UTY: variants seen among roughly 807,000 people sequenced by gnomAD.
The protein encoded by UTY is histone demethylase UTY.
UTY carries 12 observed loss-of-function variants against 32.5 expected under a neutral mutation model. That is an observed-to-expected ratio of 0.37 (90% CI 0.24 to 0.60). The LOEUF (loss-of-function observed/expected upper bound fraction) is 0.60, where lower values mean the gene tolerates loss of function less well. UTY is among the 20% of genes least tolerant of loss of function. UTY has a pLI of 0.69. For synonymous variants in UTY, 131 were observed against 103.4 expected, an observed-to-expected ratio of 1.27 and a Z score of -1.62; for missense variants, 303 against 299.2, an observed-to-expected ratio of 1.01 and a Z score of -0.09.
chrY:13,357,882 A>G lies in UTY; in HGVS notation c.1564T>C (p.Leu522=), dbSNP rs2063124300. The G allele has an allele frequency of 2.5e-6, 1 of 393,596 alleles. No individual in the cohort carries two copies. Among genetic ancestry groups the G allele is most frequent in the African/African-American group, 6.4e-5 (1 of 15,686 alleles). ...VYSLCLTPQK[L]QHLEQLRANR... ...GATCGTCAAAGAATTCATACCTGTA[A>G]TTTCTGTGGTGTCAAACACAACGAA... is the stretch of plus-strand genomic sequence containing the variant. The change falls in exon 15 of 30, where the codon TTA becomes CTA. Residue 522 remains leucine, a synonymous_variant. Transcript: ENST00000545955.
chrY:13,417,946 G>C, intron 4 of UTY, among the ~76,000 whole-genome samples: 1 of 32,333 alleles, frequency 3.1e-5, no homozygotes, highest in African/African-American at 1.2e-4. Flanking sequence ...TTGAGTTCTA[G>C]GGTACATGCG....
intron 5 of UTY, 87 bp from the exon 6 acceptor site, chrY:13,411,200 A>G: frequency 4.0e-6 from 1 of 247,386 alleles, no homozygotes; most frequent in Admixed American, 1.4e-4. Context: ...CTGGTTATTT[A>G]ATTTTATTGA....
At chrY:13,328,043 G>A in intron 18 of UTY, among the ~76,000 whole-genome samples, 1 of 32,967 alleles carries the variant, frequency 3.0e-5, no homozygotes, top group Non-Finnish European at 7.5e-5. Flanking sequence ...GCCTGACCAC[G>A]ATGTAGAAAC....
chrY:13,249,965 G>A, intron 29 of UTY, 83 bp from the exon 30 acceptor site: 2 of 113,666 alleles, frequency 1.8e-5, no homozygotes, highest in African/African-American at 9.1e-5. Context: ...GCCTTTTTAT[G>A]AAGTGAGTTT....
At chrY:13,318,006 A>G (rs2059588833) in intron 21 of UTY, among the ~76,000 whole-genome samples, 1 of 31,131 alleles carries the variant, frequency 3.2e-5, no homozygotes, top group Non-Finnish European at 7.7e-5. Flanking sequence ...CTAAAAATAT[A>G]AAAATTATCA....
intron 27 of UTY, among the ~76,000 whole-genome samples, chrY:13,293,072 G>A (rs1603324923): frequency 5.9e-5 from 2 of 33,677 alleles, no homozygotes; most frequent in East Asian, 7.8e-4. Context: ...TCTAGAAAAC[G>A]CATTTGACAA....
intron 8 of UTY, among the ~76,000 whole-genome samples, chrY:13,377,740 C>G: frequency 3.0e-5 from 1 of 33,219 alleles, no homozygotes. Context: ...AAAGGCTGAA[C>G]AAAGCTCCAT....
intron 27 of UTY, among the ~76,000 whole-genome samples, chrY:13,290,800 G>C: frequency 3.0e-5 from 1 of 33,209 alleles, no homozygotes; most frequent in South Asian, 6.9e-4. Flanking sequence ...CCTGACCTCA[G>C]GCGATACACC....
intron 4 of UTY, among the ~76,000 whole-genome samples, chrY:13,428,854 T>C (rs2073665641): frequency 3.0e-5 from 1 of 33,800 alleles, no homozygotes. Context: ...GTCATCTTCT[T>C]TCACCAGCAT....
chrY:13,312,796 T>C, intron 21 of UTY, among the ~76,000 whole-genome samples: 1 of 32,624 alleles, frequency 3.1e-5, no homozygotes, highest in Non-Finnish European at 7.5e-5. Context: ...TCACTAATTA[T>C]CAAAGAATTG....
chrY:13,361,208 C>G (rs909878839), intron 10 of UTY, among the ~76,000 whole-genome samples: 19 of 33,204 alleles, frequency 5.7e-4, no homozygotes, highest in Admixed American at 1.4e-3. Flanking sequence ...ATCACTCAAT[C>G]TCTTCTAACT....
At chrY:13,452,987 G>A (rs1006204230) in intron 3 of UTY, among the ~76,000 whole-genome samples, 2 of 33,460 alleles carry the variant, frequency 6.0e-5, no homozygotes, top group African/African-American at 1.2e-4. Flanking sequence ...GGTCACTTTC[G>A]GACCAGTGCA....
At chrY:13,367,238 CA>C (rs2064289820) in intron 9 of UTY, among the ~76,000 whole-genome samples, 1 of 33,360 alleles carries the variant, frequency 3.0e-5, no homozygotes, top group African/African-American at 1.2e-4. Flanking sequence ...AAACAACTTA[CA>C]AAAGGCCTCA....
intron 21 of UTY, among the ~76,000 whole-genome samples, chrY:13,307,955 A>G (rs753541995): frequency 3.0e-5 from 1 of 32,949 alleles, no homozygotes; most frequent in Non-Finnish European, 7.5e-5. Context: ...CTTATAAATT[A>G]AGAATAAAAA....
chrY:13,436,847 A>C (rs937247408), intron 4 of UTY, among the ~76,000 whole-genome samples: 4 of 32,194 alleles, frequency 1.2e-4, no homozygotes, highest in Admixed American at 8.5e-4. Flanking sequence ...AATTGCCCTA[A>C]ATGGCTAGGA....
intron 23 of UTY, 130 bp from the exon 24 acceptor site, chrY:13,305,677 G>A (rs2058637626): frequency 6.7e-6 from 2 of 298,545 alleles, no homozygotes; most frequent in Middle Eastern, 1.0e-3. Flanking sequence ...GAACTAAAGC[G>A]TTTAACTTAT....
chrY:13,449,165 C>T, intron 3 of UTY, 99 bp from the exon 4 acceptor site: 2 of 163,896 alleles, frequency 1.2e-5, no homozygotes, highest in Non-Finnish European at 2.1e-5. Context: ...CCAAACATGC[C>T]CATCTGTTAA....
intron 8 of UTY, 48 bp downstream of exon 8, chrY:13,393,811 A>G: frequency 3.1e-6 from 1 of 324,124 alleles, no homozygotes; most frequent in South Asian, 4.1e-5. Context: ...CATTTCATCT[A>G]AAGCATAGGT....
chrY:13,469,497 C>G (rs2078271586), intron 3 of UTY, among the ~76,000 whole-genome samples: 1 of 32,628 alleles, frequency 3.1e-5, no homozygotes, highest in Non-Finnish European at 7.5e-5. Flanking sequence ...GCATGAGCCA[C>G]CAGGCCCACC....
Sources: allele counts gnomAD v4.1 joint callset (sites outside exome capture counted in the v4.1 genomes callset), GRCh38; gene constraint gnomAD v4.1.1; transcripts MANE v1.5; gene names NCBI Gene and HGNC (gene_info 2026-07-23, HGNC 2026-07-21).